Variants in SPATA31E1 observed in about 807,000 individuals in gnomAD.
SPATA31E1 encodes the protein spermatogenesis-associated protein 31E1.
SPATA31E1 carries 7 observed loss-of-function variants against 12.9 expected under a neutral mutation model. The observed-to-expected ratio is 0.54, with a 90% CI of 0.31 to 1.02. SPATA31E1 has a LOEUF of 1.02. SPATA31E1 is among the 50% of genes least tolerant of loss of function. The pLI, the probability that SPATA31E1 is intolerant of heterozygous loss-of-function variation, is 0.05. For missense variants in SPATA31E1, 1,961 were observed against 1,799.8 expected, an observed-to-expected ratio of 1.09 and a Z score of -1.62; for synonymous variants, 771 against 719.0, an observed-to-expected ratio of 1.07 and a Z score of -1.16.
In SPATA31E1 at chr9:87,883,027, C is replaced by A; in HGVS notation, c.136C>A (p.Leu46Ile). The change falls in exon 1 of 4, where the codon CTC (leucine) becomes ATC (isoleucine). Residue 46 changes from leucine (L) to isoleucine (I), a missense_variant. By Grantham distance (5) the Leu-to-Ile change is conservative (BLOSUM62 2). Coordinates refer to ENST00000325643, the MANE Select transcript of SPATA31E1 (RefSeq NM_178828.5). ...DDIALQMEKM[L>I]FPLKSPSATW... ...CATTGCACTTCAGATGGAGAAAATG[C>A]TCTTTCCTCTGAAGAGCCCTAGTGC... The A allele has an allele frequency of 6.2e-7, 1 of 1,613,246 alleles. No homozygotes were observed. The highest frequency in any genetic ancestry group is 8.5e-7 in the Non-Finnish European group (1 of 1,179,830).
rs762786546 is a variant in SPATA31E1 at position 87,883,176 on chromosome 9, C to A, written c.285C>A (p.Pro95=). The A allele has an allele frequency of 1.3e-6, 2 of 1,582,028 alleles. No individual in the cohort carries two copies. The highest frequency in any genetic ancestry group is 1.1e-5 in the South Asian group (1 of 87,352). Residue 95 remains proline, a synonymous_variant, in exon 1 of 4, where the codon CCC becomes CCA. Coordinates refer to ENST00000325643, the MANE Select transcript of SPATA31E1 (RefSeq NM_178828.5). ...ACAGTGACCCACCCTCACCCCCGCC[C>A]GGGAGGAAGAGGAGCAGCAGGGAGG... ...YVHSDPPSPP[P]GRKRSSREPQ... is the part of the protein sequence containing the mutation.
At position 87,888,160 on chromosome 9, in the gene SPATA31E1, T is replaced by A; in HGVS notation, c.3673T>A (p.Ser1225Thr). 1 of 1,612,444 alleles carries A rather than the reference T, an allele frequency of 6.2e-7. No individual in the cohort carries two copies. Among genetic ancestry groups the A allele is most frequent in the Non-Finnish European group, 8.5e-7 (1 of 1,179,400 alleles). ...QGHRSKGPRT[S>T]EASGRSHPAQ... The stretch of plus-strand genomic sequence containing the variant: ...ACACAGGTCCAAGGGACCCAGGACC[T>A]CTGAAGCCAGTGGGAGGAGCCACCC... The change falls in exon 4 of 4, where the codon TCT becomes ACT. Residue 1225 changes from serine to threonine, a missense_variant. Ser to Thr is a moderately conservative substitution (Grantham distance 58, BLOSUM62 1). Coordinates refer to ENST00000325643, the MANE Select transcript of SPATA31E1 (RefSeq NM_178828.5).
rs1304081545 is a variant in SPATA31E1 at position 87,886,491 on chromosome 9, A to G, written c.2004A>G (p.Ala668=). Residue 668 remains alanine (A), a synonymous_variant, in exon 4 of 4, where the codon GCA becomes GCG. Coordinates refer to ENST00000325643, the MANE Select transcript of SPATA31E1 (RefSeq NM_178828.5). ...GEFPGRPQSQ[A]EDTQQALLPS... ...TCCCAGGGAGGCCCCAGAGTCAGGC[A>G]GAAGACACGCAGCAGGCCCTCTTGC... is the stretch of plus-strand genomic sequence containing the variant. 5 of 1,613,994 alleles carry G rather than the reference A, an allele frequency of 3.1e-6. No individual in the cohort carries two copies. The highest frequency in any genetic ancestry group is 2.2e-5 in the East Asian group (1 of 44,862).
At position 87,888,288 on chromosome 9, in the gene SPATA31E1, C is replaced by G. The variant is rs963703965; in HGVS notation, c.3801C>G (p.Ile1267Met). Reference protein sequence around the residue: ...TPPESHFQRKISHHPQGLHPR... With the variant: ...TPPESHFQRKMSHHPQGLHPR... ...CAGAAAGCCACTTCCAGAGAAAGAT[C>G]AGTCACCATCCACAGGGTCTACACC... is the stretch of plus-strand genomic sequence containing the variant. The change falls in exon 4 of 4, where the codon ATC (isoleucine) becomes ATG (methionine). Residue 1267 changes from isoleucine to methionine, a missense_variant. Coordinates refer to ENST00000325643, the MANE Select transcript of SPATA31E1 (RefSeq NM_178828.5). 18 of 1,614,160 alleles carry G rather than the reference C, an allele frequency of 1.1e-5. No homozygotes were observed. Among genetic ancestry groups the G allele is most frequent in the Middle Eastern group, 1.6e-4 (1 of 6,062 alleles).
rs200945373 is a variant in SPATA31E1, at chr9:87,886,939, G to A, written c.2452G>A (p.Val818Met). The A allele has an allele frequency of 7.9e-5, 128 of 1,614,082 alleles. No individual in the cohort carries two copies. In the Admixed American group the frequency reaches 1.9e-3, roughly 24 times the overall value. ...LASWRGGKAH[V>M]NTSQELSFLH... is the part of the protein sequence containing the mutation. ...ATCCTGGAGGGGTGGGAAAGCCCAC[G>A]TGAACACCTCCCAGGAGCTTTCCTT... Residue 818 changes from valine to methionine, a missense_variant, in exon 4 of 4, where the codon GTG becomes ATG. Transcript: ENST00000325643.
chr9:87,885,501 T>C lies in SPATA31E1; in HGVS notation c.1014T>C (p.Ala338=). The C allele has an allele frequency of 6.2e-7, 1 of 1,614,126 alleles. No homozygotes were observed. Among genetic ancestry groups the C allele is most frequent in the Non-Finnish European group, 8.5e-7 (1 of 1,180,016 alleles). ...ATCTTCCCGACCACACCTCAGAGGC[T>C]TCCTTCTGGGGAGACCCCACACCCA... The part of the protein sequence containing the change: ...PRHLPDHTSE[A]SFWGDPTPKH... Residue 338 remains alanine (A), a synonymous_variant, in exon 4 of 4, where the codon GCT becomes GCC. Transcript: ENST00000325643.
Position 87,884,602 on chromosome 9 carries a change from C to A in SPATA31E1, c.376C>A (p.Leu126Ile), listed in dbSNP as rs1257010169. ...KISALKACRI[L>I]LRELEETRDL... is the part of the protein sequence containing the mutation. Reference sequence around the variant, plus strand: ...CTCCTGATTTCCAGCTTGCAGAATCCTCCTGAGGGAGCTGGAGGAGACTCG... The same window carrying A: ...CTCCTGATTTCCAGCTTGCAGAATCATCCTGAGGGAGCTGGAGGAGACTCG... The change falls in exon 3 of 4, where the codon CTC becomes ATC. Residue 126 changes from leucine to isoleucine, a missense_variant. Leu to Ile is a conservative substitution (Grantham distance 5). Transcript: ENST00000325643. 2 of 1,614,144 alleles carry A rather than the reference C, an allele frequency of 1.2e-6. No individual in the cohort carries two copies. The highest frequency in any genetic ancestry group is 1.7e-6 in the Non-Finnish European group (2 of 1,180,000).
rs935549646 is a variant in SPATA31E1 at position 87,888,334 on chromosome 9, T to G, written c.3847T>G (p.Trp1283Gly). 1.5e-5 allele frequency: 24 copies of G among 1,613,888 alleles called. No individual in the cohort carries two copies. The highest frequency in any genetic ancestry group is 2.0e-5 in the Non-Finnish European group (24 of 1,179,988). Residue 1283 changes from tryptophan to glycine, a missense_variant, in exon 4 of 4, where the codon TGG becomes GGG. Transcript: ENST00000325643. ...ACACCCCAGGAAAGGAGGCACACGG[T>G]GGGAAGATGTCCTGCAGAAAGGCAA... ...GLHPRKGGTR[W>G]EDVLQKGKPG...
chr9:87,883,345 G>T, intron 1 of SPATA31E1, 145 bp downstream of exon 1: 1 of 1,303,616 alleles, frequency 7.7e-7, no homozygotes, highest in Non-Finnish European at 1.1e-6. Context: ...AGGCAGGGGT[G>T]AGAGTGGGCA....
At chr9:87,884,749 G>C in intron 3 of SPATA31E1, 98 bp downstream of exon 3, 3 of 1,536,228 alleles carry the variant, frequency 2.0e-6, no homozygotes, top group Admixed American at 1.7e-5. Flanking sequence ...GAGGTCCCGG[G>C]AAGGGGACAG....
chr9:87,885,657 C>A lies in SPATA31E1; in HGVS notation c.1170C>A (p.His390Gln), dbSNP rs1041531692. The change falls in exon 4 of 4, where the codon CAC becomes CAA. Residue 390 changes from histidine to glutamine, a missense_variant. Physicochemically the swap from His to Gln is conservative, Grantham distance 24. Transcript: ENST00000325643. ...AAAGAAAACGGGCCGACCACCCGCA[C>A]ATGACATCACTGGGGAAGGAGTGGG... is the stretch of plus-strand genomic sequence containing the variant. ...EKERKRADHP[H>Q]MTSLGKEWDI... 6 of 1,613,774 alleles carry A rather than the reference C, an allele frequency of 3.7e-6. No homozygotes were observed. The African/African-American group carries it at 8.0e-5, about 22-fold the overall frequency.
In SPATA31E1 at chr9:87,886,938, C is replaced by T. The variant is rs750677340; in HGVS notation, c.2451C>T (p.His817=). Residue 817 remains histidine, a synonymous_variant, in exon 4 of 4, where the codon CAC becomes CAT. Coordinates refer to ENST00000325643, the MANE Select transcript of SPATA31E1 (RefSeq NM_178828.5). ...KLASWRGGKA[H]VNTSQELSFL... is the part of the protein sequence containing the mutation. ...CATCCTGGAGGGGTGGGAAAGCCCA[C>T]GTGAACACCTCCCAGGAGCTTTCCT... 4 of 1,614,080 alleles carry T rather than the reference C, an allele frequency of 2.5e-6. No homozygotes were observed. The highest frequency in any genetic ancestry group is 2.2e-5 in the East Asian group (1 of 44,874).
Position 87,887,468 on chromosome 9 carries a change from T to C in SPATA31E1, c.2981T>C (p.Met994Thr), listed in dbSNP as rs1387443711. 5.0e-6 allele frequency: 8 copies of C among 1,613,630 alleles called. No homozygotes were observed. Among genetic ancestry groups the C allele is most frequent in the Admixed American group, 1.7e-5 (1 of 60,004 alleles). ...PRLEGSMGSE[M>T]AGNEAWLESE... ...CTAGAGGGGAGTATGGGTTCAGAAA[T>C]GGCTGGGAACGAGGCATGGCTTGAG... Residue 994 changes from methionine (M) to threonine (T), a missense_variant, in exon 4 of 4, where the codon ATG becomes ACG. By Grantham distance (81) the Met-to-Thr change is moderately conservative. Coordinates refer to ENST00000325643, the MANE Select transcript of SPATA31E1 (RefSeq NM_178828.5).
rs138100635 is a variant in SPATA31E1, at chr9:87,887,237, G to C, written c.2750G>C (p.Ser917Thr). ...RTTSKSVPTV[S>T]GPLAAPPPEQ... ...ACAAGCAAGTCAGTCCCGACCGTGA[G>C]TGGCCCTCTCGCTGCCCCACCGCCT... Residue 917 changes from serine (S) to threonine (T), a missense_variant, in exon 4 of 4, where the codon AGT becomes ACT. Physicochemically the swap from Ser to Thr is moderately conservative, Grantham distance 58. Coordinates refer to ENST00000325643, the MANE Select transcript of SPATA31E1 (RefSeq NM_178828.5). The C allele has an allele frequency of 4.3e-6, 7 of 1,614,036 alleles. No homozygotes were observed. Among genetic ancestry groups the C allele is most frequent in the South Asian group, 1.1e-5 (1 of 91,078 alleles).
At position 87,888,267 on chromosome 9, in the gene SPATA31E1, A is replaced by G; in HGVS notation, c.3780A>G (p.Glu1260=). 6.2e-7 allele frequency: 1 copy of G among 1,614,144 alleles called. No individual in the cohort carries two copies. The highest frequency in any genetic ancestry group is 8.5e-7 in the Non-Finnish European group (1 of 1,180,030). Residue 1260 remains glutamate (E), a synonymous_variant, in exon 4 of 4, where the codon GAA becomes GAG. Transcript: ENST00000325643. The part of the protein sequence containing the change: ...LQLEKGQTPP[E]SHFQRKISHH... Reference sequence around the variant, plus strand: ...TGGAGAAGGGACAGACACCACCAGAAAGCCACTTCCAGAGAAAGATCAGTC... The same window carrying G: ...TGGAGAAGGGACAGACACCACCAGAGAGCCACTTCCAGAGAAAGATCAGTC...
intron 1 of SPATA31E1, 33 bp downstream of exon 1, chr9:87,883,233 A>G (rs370368063): frequency 2.6e-6 from 4 of 1,541,466 alleles, no homozygotes; most frequent in African/African-American, 1.4e-5. Context: ...CCACAGAGAA[A>G]GATTCTCTCT....
chr9:87,886,716 C>T lies in SPATA31E1; in HGVS notation c.2229C>T (p.Ser743=). 1 of 1,613,932 alleles carries T rather than the reference C, an allele frequency of 6.2e-7. No homozygotes were observed. The change falls in exon 4 of 4, where the codon TCC becomes TCT. Residue 743 remains serine (S), a synonymous_variant. Coordinates refer to ENST00000325643, the MANE Select transcript of SPATA31E1 (RefSeq NM_178828.5). ...AGGCAGAAGGTGACTTACGGAGGTC[C>T]TGGAAGTACCAATCAGTAAGTTCCA... ...DKEAEGDLRR[S]WKYQSVSSTP...
Position 87,886,443 on chromosome 9 carries a change from C to A in SPATA31E1, c.1956C>A (p.Asp652Glu). ...CCAGCAGATTGCAGGCATCTGGGGA[C>A]CTGCTACAGCCTGATGGGGAATTCC... is the stretch of plus-strand genomic sequence containing the variant. ...GPPSRLQASG[D>E]LLQPDGEFPG... Residue 652 changes from aspartate to glutamate, a missense_variant, in exon 4 of 4, where the codon GAC becomes GAA. Transcript: ENST00000325643. 3.7e-6 allele frequency: 6 copies of A among 1,613,940 alleles called. No individual in the cohort carries two copies. Among genetic ancestry groups the A allele is most frequent in the Non-Finnish European group, 5.1e-6 (6 of 1,179,984 alleles).
At position 87,885,141 on chromosome 9, in the gene SPATA31E1, C is replaced by T; in HGVS notation, c.654C>T (p.Thr218=). 6.2e-7 allele frequency: 1 copy of T among 1,614,186 alleles called. No homozygotes were observed. Among genetic ancestry groups the T allele is most frequent in the Non-Finnish European group, 8.5e-7 (1 of 1,180,030 alleles). ...TFSEPFGPHS[T]LSASGPPEPL... Reference sequence around the variant, plus strand: ...CAGAGCCTTTTGGACCACACTCAACCCTGAGTGCCTCCGGGCCACCAGAGC... The same window carrying T: ...CAGAGCCTTTTGGACCACACTCAACTCTGAGTGCCTCCGGGCCACCAGAGC... Residue 218 remains threonine (T), a synonymous_variant, in exon 4 of 4, where the codon ACC becomes ACT. Coordinates refer to ENST00000325643, the MANE Select transcript of SPATA31E1 (RefSeq NM_178828.5).
Sources: gnomAD v4.1 joint callset for allele counts on GRCh38, gnomAD v4.1.1 for gene constraint, MANE v1.5 for transcripts, NCBI Gene and HGNC (gene_info 2026-07-23, HGNC 2026-07-21) for gene names.